The following MAML3 variants were observed in gnomAD, a reference collection of about 807,000 sequenced individuals.
MAML3 encodes the protein mastermind like transcriptional coactivator 3.
In MAML3, 27 loss-of-function variants were observed where a neutral mutation model predicts 101.9. The observed-to-expected ratio is 0.27, with a 90% CI of 0.20 to 0.37. The LOEUF is 0.37. Ranked by LOEUF, MAML3 falls within the 10% of genes least tolerant of loss-of-function variation. The probability of loss-of-function intolerance (pLI) is 1.00; values close to 1 mark genes in which losing one functional copy is unlikely to be tolerated. For synonymous variants in MAML3, 501 were observed against 555.9 expected, an observed-to-expected ratio of 0.90 and a Z score of 1.39; for missense variants, 1,316 against 1,444.9, an observed-to-expected ratio of 0.91 and a Z score of 1.45.
chr4:139,722,651 A>G (rs910807406), intron 4 of MAML3, among the ~76,000 whole-genome samples: 1 of 152,230 alleles, frequency 6.6e-6, no homozygotes, highest in Non-Finnish European at 1.5e-5. Context: ...TTGTGAAAAA[A>G]ATAAGTATTT....
chr4:139,994,701 G>GT (rs1274739297), intron 1 of MAML3, among the ~76,000 whole-genome samples: 1 of 151,936 alleles, frequency 6.6e-6, no homozygotes, highest in Non-Finnish European at 1.5e-5. Context: ...GAAATGGAAC[G>GT]TTTTTGTATA....
intron 2 of MAML3, among the ~76,000 whole-genome samples, chr4:139,877,221 C>T (rs1036922381): frequency 6.6e-6 from 1 of 152,080 alleles, no homozygotes; most frequent in Non-Finnish European, 1.5e-5. Flanking sequence ...TATTTTGATT[C>T]TCTATGTACT....
intron 2 of MAML3, among the ~76,000 whole-genome samples, chr4:139,857,252 C>T (rs1731677355): frequency 6.6e-6 from 1 of 152,004 alleles, no homozygotes; most frequent in Admixed American, 6.6e-5. Context: ...CTGTGTGCAC[C>T]CAGCCAAGCG....
intron 1 of MAML3, among the ~76,000 whole-genome samples, chr4:139,901,036 A>ACTTCTG (rs1224518990): frequency 1.3e-5 from 2 of 152,152 alleles, no homozygotes; most frequent in African/African-American, 2.4e-5. Context: ...GCATCTGATG[A>ACTTCTG]CTTCTGTCCC....
chr4:140,072,841 T>C (rs970202194), intron 1 of MAML3, among the ~76,000 whole-genome samples: 3 of 151,998 alleles, frequency 2.0e-5, no homozygotes, highest in African/African-American at 4.8e-5. Flanking sequence ...TAGAAAAATA[T>C]AAAAGGGAGG....
At chr4:139,917,910 A>G (rs2111230965) in intron 1 of MAML3, among the ~76,000 whole-genome samples, 1 of 152,356 alleles carries the variant, frequency 6.6e-6, no homozygotes, top group South Asian at 2.1e-4. Flanking sequence ...ACCCATAGAC[A>G]TCTTCCTTTA....
Position 140,130,668 on chromosome 4 carries a change from TG to T in MAML3, c.468+22191del, listed in dbSNP as rs1728776913. Among the ~76,000 whole-genome samples, 3 of 152,246 alleles carry T rather than the reference TG, an allele frequency of 2.0e-5. No homozygotes were observed. The South Asian group carries it at 6.2e-4, about 32-fold the overall frequency. On this transcript the variant is annotated intron_variant, in intron 1 of 4. Coordinates refer to ENST00000509479, the MANE Select transcript of MAML3 (RefSeq NM_018717.5). ...AAGTGTAACTGAAAGACAAGAAAAGTGGCCCCAACTAACCAGAAGAAAAGCT... is the reference window on the plus strand; with the variant it reads ...AAGTGTAACTGAAAGACAAGAAAAGTGCCCCAACTAACCAGAAGAAAAGCT...
intron 1 of MAML3, among the ~76,000 whole-genome samples, chr4:140,042,348 A>AC (rs1727098965): frequency 6.6e-6 from 1 of 152,002 alleles, no homozygotes; most frequent in Non-Finnish European, 1.5e-5. Flanking sequence ...CCCTAAACAC[A>AC]CCCCACTCTG....
chr4:139,879,851 A>G lies in MAML3; in HGVS notation c.2079+9506T>C, dbSNP rs75676345. On this transcript the variant is annotated intron_variant, in intron 2 of 4. Transcript: ENST00000509479. ...AATATTCTCATCCCCTAAAACCTTTAAGGAGTATTTTCATAGGAGTGCAAT... is the reference window on the plus strand; with the variant it reads ...AATATTCTCATCCCCTAAAACCTTTGAGGAGTATTTTCATAGGAGTGCAAT... Among the ~76,000 whole-genome samples, 109 of 152,258 alleles carry G rather than the reference A, an allele frequency of 7.2e-4. 2 individuals carry two copies. In the East Asian group the frequency reaches 0.019, roughly 26 times the overall value.
intron 1 of MAML3, among the ~76,000 whole-genome samples, chr4:140,027,265 T>C (rs1367763233): frequency 1.3e-5 from 2 of 152,232 alleles, no homozygotes; most frequent in East Asian, 3.8e-4. Flanking sequence ...GTTTTCCTCA[T>C]GGTGTAACAA....
chr4:139,731,042 C>T, intron 2 of MAML3: 1 of 224,384 alleles, frequency 4.5e-6, no homozygotes, highest in East Asian at 9.0e-5. Context: ...CACATCCTGA[C>T]CTCACCTGTT....
chr4:139,769,105 T>C lies in MAML3; in HGVS notation c.2080-38438A>G, dbSNP rs145334834. ...CTCCTGGTGTTTACTAAAGGAACTCTGAGTCTCAGCAGAAGCAGAAGTCCT... is the reference window on the plus strand; with the variant it reads ...CTCCTGGTGTTTACTAAAGGAACTCCGAGTCTCAGCAGAAGCAGAAGTCCT... On this transcript the variant is annotated intron_variant, in intron 2 of 4. Coordinates refer to ENST00000509479, the MANE Select transcript of MAML3 (RefSeq NM_018717.5). Among the ~76,000 whole-genome samples the C allele has an allele frequency of 4.4e-3, 671 of 152,320 alleles. 6 individuals carry two copies. Among genetic ancestry groups the C allele is most frequent in the African/African-American group, 0.015 (605 of 41,582 alleles).
chr4:140,047,996 C>G (rs1302386757), intron 1 of MAML3, among the ~76,000 whole-genome samples: 1 of 152,140 alleles, frequency 6.6e-6, no homozygotes, highest in Non-Finnish European at 1.5e-5. Context: ...CAGGAATTCC[C>G]TTTTGCTTAA....
chr4:140,073,832 T>C (rs1727705977), intron 1 of MAML3, among the ~76,000 whole-genome samples: 1 of 152,002 alleles, frequency 6.6e-6, no homozygotes, highest in African/African-American at 2.4e-5. Context: ...GGGAGCAAAG[T>C]AATCAGAAAG....
At chr4:140,041,954 A>G (rs1167347811) in intron 1 of MAML3, among the ~76,000 whole-genome samples, 1 of 152,222 alleles carries the variant, frequency 6.6e-6, no homozygotes, top group Non-Finnish European at 1.5e-5. Context: ...TAAAAATAGA[A>G]CAACTAACCT....
intron 2 of MAML3, among the ~76,000 whole-genome samples, chr4:139,748,269 A>C (rs537486730): frequency 2.0e-5 from 3 of 151,726 alleles, no homozygotes; most frequent in African/African-American, 7.3e-5. Context: ...AAGAGAAGAC[A>C]CTCCCTAGGC....
At chr4:139,894,654 C>T (rs1207805059) in intron 1 of MAML3, among the ~76,000 whole-genome samples, 2 of 152,126 alleles carry the variant, frequency 1.3e-5, no homozygotes, top group African/African-American at 2.4e-5. Context: ...CAAACACAGC[C>T]CATAGTCATT....
intron 1 of MAML3, among the ~76,000 whole-genome samples, chr4:140,103,780 G>A (rs1206412485): frequency 6.6e-6 from 1 of 152,106 alleles, no homozygotes; most frequent in Non-Finnish European, 1.5e-5. Context: ...TGCTTATTAC[G>A]TCAGCTTCCT....
At chr4:139,905,738 T>C (rs1408270185) in intron 1 of MAML3, among the ~76,000 whole-genome samples, 1 of 152,172 alleles carries the variant, frequency 6.6e-6, no homozygotes, top group African/African-American at 2.4e-5. Flanking sequence ...CACTGTGTCC[T>C]TGAACAGTCT....
Sources: gnomAD v4.1 joint callset for allele counts (sites outside exome capture counted in the v4.1 genomes callset) on GRCh38, gnomAD v4.1.1 for gene constraint, MANE v1.5 for transcripts, NCBI Gene and HGNC (gene_info 2026-07-23, HGNC 2026-07-21) for gene names.